ERBB4: variants seen among roughly 807,000 people sequenced by gnomAD.
ERBB4 encodes erb-b2 receptor tyrosine kinase 4, also known as receptor tyrosine-protein kinase erbB-4.
ERBB4 carries 42 observed loss-of-function variants against 158.0 expected under a neutral mutation model. That is an observed-to-expected ratio of 0.27 (90% CI 0.21 to 0.34). ERBB4 has a LOEUF of 0.34. Among genes scored for constraint, ERBB4 ranks in the 10% least tolerant of loss-of-function variants. The pLI is 1.00. For synonymous variants in ERBB4, 583 were observed against 558.7 expected, an observed-to-expected ratio of 1.04 and a Z score of -0.61; for missense variants, 1,333 against 1,624.1, an observed-to-expected ratio of 0.82 and a Z score of 3.08.
At chr2:211,594,908 T>C (rs1393970347) in intron 19 of ERBB4, among the ~76,000 whole-genome samples, 1 of 152,176 alleles carries the variant, frequency 6.6e-6, no homozygotes, top group Non-Finnish European at 1.5e-5. Flanking sequence ...TGAAATAGTA[T>C]AAACATTATA....
intron 3 of ERBB4, among the ~76,000 whole-genome samples, chr2:211,942,688 C>T (rs2080538727): frequency 1.3e-5 from 2 of 152,006 alleles, no homozygotes; most frequent in South Asian, 4.1e-4. Flanking sequence ...GTTAACAAAA[C>T]AATTACAATG....
At chr2:212,357,709 T>A (rs1424853268) in intron 1 of ERBB4, among the ~76,000 whole-genome samples, 1 of 151,782 alleles carries the variant, frequency 6.6e-6, no homozygotes, top group African/African-American at 2.4e-5. Flanking sequence ...AACGTAGCTT[T>A]CTATCAAAGA....
chr2:211,877,767 T>C (rs2078547689), intron 3 of ERBB4, among the ~76,000 whole-genome samples: 2 of 152,216 alleles, frequency 1.3e-5, no homozygotes, highest in Admixed American at 1.3e-4. Context: ...ATAGATAATA[T>C]TTTTATTTAC....
chr2:212,251,270 A>T lies in ERBB4; in HGVS notation c.83-126367T>A, dbSNP rs567679137. Among the ~76,000 whole-genome samples, 5 of 152,152 alleles carry T rather than the reference A, an allele frequency of 3.3e-5. No individual in the cohort carries two copies. The South Asian group carries it at 1.0e-3, about 32-fold the overall frequency. On this transcript the variant is annotated intron_variant, in intron 1 of 27. Coordinates refer to ENST00000342788, the MANE Select transcript of ERBB4 (RefSeq NM_005235.3). ...TATTGAAAACTGCCATATTAGTCTA[A>T]GAAGTTAAAAGCATCCAGCATGTAT...
chr2:211,763,897 T>TACACACACACACACACACACACACACAC, intron 4 of ERBB4, among the ~76,000 whole-genome samples: 1 of 150,080 alleles, frequency 6.7e-6, no homozygotes, highest in Non-Finnish European at 1.5e-5. Flanking sequence ...TGCGTGTGTA[T>TACACACACACACACACACACACACACAC]ACACACACAC....
intron 2 of ERBB4, among the ~76,000 whole-genome samples, chr2:212,066,563 T>C (rs1048593454): frequency 3.3e-5 from 5 of 152,044 alleles, no homozygotes; most frequent in African/African-American, 4.8e-5. Flanking sequence ...TTCAGAATTA[T>C]ATAAAGTTCC....
chr2:212,367,208 T>C (rs528157201), intron 1 of ERBB4, among the ~76,000 whole-genome samples: 45 of 152,078 alleles, frequency 3.0e-4, no homozygotes, highest in Non-Finnish European at 5.3e-4. Flanking sequence ...ATCTTGATCT[T>C]TGACTCTGGC....
rs2066420537 is a variant in ERBB4 at position 211,528,893 on chromosome 2, CAT to C, written c.2487+33008_2487+33009del. Among the ~76,000 whole-genome samples the C allele has an allele frequency of 3.3e-5, 5 of 151,558 alleles. No individual in the cohort carries two copies. In the South Asian group the frequency reaches 1.0e-3, roughly 31 times the overall value. ...GAAATTTTACAGCTATAAGTCCCTA[CAT>C]AAAAAAGAGGCAAAACTTCAAGAAA... On this transcript the variant is annotated intron_variant, in intron 20 of 27. Coordinates refer to ENST00000342788, the MANE Select transcript of ERBB4 (RefSeq NM_005235.3).
intron 3 of ERBB4, among the ~76,000 whole-genome samples, chr2:211,910,586 T>C (rs1181301492): frequency 6.6e-6 from 1 of 150,694 alleles, no homozygotes; most frequent in Non-Finnish European, 1.5e-5. Context: ...GGGTGGAGGG[T>C]GGGAAGATGG....
intron 1 of ERBB4, among the ~76,000 whole-genome samples, chr2:212,339,000 T>C (rs1339884912): frequency 1.3e-5 from 2 of 152,180 alleles, no homozygotes; most frequent in East Asian, 3.9e-4. Flanking sequence ...TAGTGCATTA[T>C]TATCATTATT....
intron 2 of ERBB4, among the ~76,000 whole-genome samples, chr2:212,087,172 T>A (rs866534019): frequency 2.7e-5 from 4 of 147,520 alleles, no homozygotes; most frequent in Non-Finnish European, 6.0e-5. Flanking sequence ...AACACACACA[T>A]ACACACACAC....
chr2:211,938,805 C>T (rs1361795432), intron 3 of ERBB4, among the ~76,000 whole-genome samples: 1 of 152,120 alleles, frequency 6.6e-6, no homozygotes, highest in Non-Finnish European at 1.5e-5. Context: ...AGCACAATGA[C>T]TTGAATGTAC....
At chr2:212,380,456 C>CTGTGTGTGTGTGTGTG (rs6147158) in intron 1 of ERBB4, among the ~76,000 whole-genome samples, 44 of 143,134 alleles carry the variant, frequency 3.1e-4, no homozygotes, top group African/African-American at 9.8e-4. Context: ...AGGAATGACT[C>CTGTGTGTGTGTGTGTG]TGTGTGTGTG....
intron 5 of ERBB4, among the ~76,000 whole-genome samples, chr2:211,737,169 T>G (rs527284975): frequency 2.6e-5 from 4 of 152,338 alleles, no homozygotes; most frequent in African/African-American, 9.6e-5. Context: ...CTTTTGAGTC[T>G]CTGTGAATGC....
chr2:211,486,924 T>C (rs1574587408), intron 20 of ERBB4, among the ~76,000 whole-genome samples: 1 of 152,150 alleles, frequency 6.6e-6, no homozygotes, highest in African/African-American at 2.4e-5. Context: ...TTGTATAGAA[T>C]ATAACAGCTT....
At chr2:211,736,686 C>G (rs938521348) in intron 5 of ERBB4, among the ~76,000 whole-genome samples, 1 of 152,040 alleles carries the variant, frequency 6.6e-6, no homozygotes, top group African/African-American at 2.4e-5. Context: ...TGCCATAATG[C>G]CTTATCTTCA....
chr2:212,378,425 C>A (rs1574808198), intron 1 of ERBB4, among the ~76,000 whole-genome samples: 1 of 151,986 alleles, frequency 6.6e-6, no homozygotes, highest in African/African-American at 2.4e-5. Flanking sequence ...TCAGGAAACA[C>A]TGAGATGTTT....
At chr2:212,278,174 T>C (rs2085617422) in intron 1 of ERBB4, among the ~76,000 whole-genome samples, 1 of 151,766 alleles carries the variant, frequency 6.6e-6, no homozygotes, top group Non-Finnish European at 1.5e-5. Context: ...TTGGTTTTGG[T>C]TGAGGTTTTG....
At chr2:211,512,876 G>C (rs2065916220) in intron 20 of ERBB4, among the ~76,000 whole-genome samples, 1 of 152,110 alleles carries the variant, frequency 6.6e-6, no homozygotes, top group Non-Finnish European at 1.5e-5. Flanking sequence ...CATTGCCATA[G>C]TTACCTCACA....
Sources: gnomAD v4.1 joint callset for allele counts (sites outside exome capture counted in the v4.1 genomes callset) on GRCh38, gnomAD v4.1.1 for gene constraint, MANE v1.5 for transcripts, NCBI Gene and HGNC (gene_info 2026-07-23, HGNC 2026-07-21) for gene names.